Variants in KANSL1L observed in about 807,000 individuals in gnomAD.
KANSL1L encodes the protein KAT8 regulatory NSL complex subunit 1-like protein.
KANSL1L carries 25 observed loss-of-function variants against 108.6 expected under a neutral mutation model. The ratio of observed to expected loss-of-function variants is 0.23; its 90% confidence interval spans 0.17 to 0.32. KANSL1L has a LOEUF of 0.32. KANSL1L is among the 10% of genes least tolerant of loss of function. The pLI, the probability that KANSL1L is intolerant of heterozygous loss-of-function variation, is 1.00. For synonymous variants in KANSL1L, 405 were observed against 395.1 expected (o/e 1.03, Z -0.30); for missense variants, 1,137 against 1,125.7 (o/e 1.01, Z -0.14).
chr2:210,127,018 G>A (rs2095072007), intron 3 of KANSL1L, among the ~76,000 whole-genome samples: 1 of 151,424 alleles, frequency 6.6e-6, no homozygotes, highest in Non-Finnish European at 1.5e-5. Flanking sequence ...TGAATATAGT[G>A]AAACTCTGTC....
chr2:210,034,949 C>T (rs954007848), intron 8 of KANSL1L, among the ~76,000 whole-genome samples: 1 of 152,156 alleles, frequency 6.6e-6, no homozygotes, highest in Non-Finnish European at 1.5e-5. Context: ...TTTGCTTTAC[C>T]TCCTTCTTTC....
At chr2:210,085,346 AC>A (rs1407474249) in intron 5 of KANSL1L, among the ~76,000 whole-genome samples, 4 of 152,194 alleles carry the variant, frequency 2.6e-5, no homozygotes, top group Non-Finnish European at 1.5e-5. Context: ...GAAGTTTTCC[AC>A]AATAAGAGTA....
intron 1 of KANSL1L, among the ~76,000 whole-genome samples, chr2:210,166,869 G>A (rs578091124): frequency 8.7e-4 from 132 of 151,954 alleles, no homozygotes; most frequent in African/African-American, 3.0e-3. Context: ...GCTAACCTAG[G>A]CCAATTACAG....
chr2:210,072,678 C>A (rs898526957), intron 6 of KANSL1L, among the ~76,000 whole-genome samples: 1 of 133,170 alleles, frequency 7.5e-6, no homozygotes, highest in South Asian at 2.4e-4. Flanking sequence ...CGCCACTGAT[C>A]TGACAGGAGG....
chr2:210,078,610 AATGG>A (rs1271242566), intron 5 of KANSL1L, among the ~76,000 whole-genome samples: 5 of 152,234 alleles, frequency 3.3e-5, no homozygotes, highest in Non-Finnish European at 5.9e-5. Flanking sequence ...TTCCATAAAT[AATGG>A]ATGAAGGTTA....
chr2:210,146,706 A>G (rs1372730049), intron 2 of KANSL1L, among the ~76,000 whole-genome samples: 1 of 152,200 alleles, frequency 6.6e-6, no homozygotes, highest in East Asian at 1.9e-4. Flanking sequence ...GGCAATCAAA[A>G]CAGTTATTTA....
At chr2:210,162,221 G>GTTATATATATATATATATATATAT (rs1559617787) in intron 1 of KANSL1L, among the ~76,000 whole-genome samples, 1 of 9,932 alleles carries the variant, frequency 1.0e-4, no homozygotes, top group Non-Finnish European at 2.5e-4. Context: ...TAGTGGTTCA[G>GTTATATATATATATATATATATAT]GTATATATAT....
In KANSL1L at chr2:210,077,321, A is replaced by C. The variant is rs142271850; in HGVS notation, c.1551-1565T>G. Among the ~76,000 whole-genome samples the C allele has an allele frequency of 1.1e-3, 170 of 152,282 alleles. 2 individuals are homozygous for C. Among genetic ancestry groups the C allele is most frequent in the Non-Finnish European group, 6.5e-4 (44 of 68,012 alleles). Reference sequence around the variant, plus strand: ...GAATGCTTTAAGTCTCGGTAAATAAAAGGTTCTAAAAATCTTTCATCATGT... The same window carrying C: ...GAATGCTTTAAGTCTCGGTAAATAACAGGTTCTAAAAATCTTTCATCATGT... On this transcript the variant is annotated intron_variant, in intron 5 of 14. Coordinates refer to ENST00000281772, the MANE Select transcript of KANSL1L (RefSeq NM_152519.4).
chr2:210,049,695 C>T (rs1040155619), intron 6 of KANSL1L, among the ~76,000 whole-genome samples: 19 of 152,264 alleles, frequency 1.2e-4, no homozygotes, highest in African/African-American at 4.6e-4. Context: ...TATAGTGTTT[C>T]TCAAGGAATG....
intron 8 of KANSL1L, among the ~76,000 whole-genome samples, chr2:210,031,902 A>G (rs1289903567): frequency 6.6e-6 from 1 of 152,210 alleles, no homozygotes; most frequent in African/African-American, 2.4e-5. Flanking sequence ...ACCAAGTAAG[A>G]TTCAACATGG....
intron 2 of KANSL1L, chr2:210,151,402 A>G (rs1475575449): frequency 6.6e-6 from 1 of 152,218 alleles, no homozygotes; most frequent in African/African-American, 2.4e-5. Flanking sequence ...AAATTTACTG[A>G]ATGTGCCCAC....
chr2:210,157,599 G>A (rs531663983), intron 1 of KANSL1L, among the ~76,000 whole-genome samples: 3 of 144,176 alleles, frequency 2.1e-5, no homozygotes, highest in African/African-American at 5.1e-5. Flanking sequence ...GCTAAGGCAG[G>A]AAGATCACTT....
At chr2:210,077,497 T>TTCAC (rs2094550900) in intron 5 of KANSL1L, among the ~76,000 whole-genome samples, 1 of 152,176 alleles carries the variant, frequency 6.6e-6, no homozygotes, top group South Asian at 2.1e-4. Flanking sequence ...GCTAAGTGGC[T>TTCAC]AGCATAGAAG....
intron 6 of KANSL1L, among the ~76,000 whole-genome samples, chr2:210,048,130 G>C (rs888262671): frequency 1.3e-5 from 2 of 152,090 alleles, no homozygotes; most frequent in Non-Finnish European, 2.9e-5. Context: ...GAAAACATTG[G>C]TCAAAAATGC....
At chr2:210,098,624 G>A (rs1205156775) in intron 4 of KANSL1L, among the ~76,000 whole-genome samples, 1 of 151,994 alleles carries the variant, frequency 6.6e-6, no homozygotes, top group African/African-American at 2.4e-5. Context: ...AACCAGCAAA[G>A]AAGATAATAT....
At chr2:210,127,104 G>T (rs1575582273) in intron 3 of KANSL1L, among the ~76,000 whole-genome samples, 5 of 152,224 alleles carry the variant, frequency 3.3e-5, no homozygotes, top group Admixed American at 3.3e-4. Flanking sequence ...CATAAAGACA[G>T]ACCTATATTC....
chr2:210,136,750 T>C (rs571346726), intron 2 of KANSL1L, among the ~76,000 whole-genome samples: 4 of 152,120 alleles, frequency 2.6e-5, no homozygotes, highest in Non-Finnish European at 5.9e-5. Context: ...GAGTTAGTAA[T>C]GGGCCTGCGA....
Position 210,129,034 on chromosome 2 carries a change from G to A in KANSL1L, c.1227C>T (p.Ser409=), listed in dbSNP as rs1277002431. Reference sequence around the variant, plus strand: ...GAAGAACACAGACAGACAATACCTTGGAGGCACGAATTTGCCTGTGAATGT... The same window carrying A: ...GAAGAACACAGACAGACAATACCTTAGAGGCACGAATTTGCCTGTGAATGT... ...LTDIHRQIRA[S]KGIVVLEECQ... The change falls in exon 3 of 15, where the codon TCC becomes TCT. Residue 409 remains serine, a synonymous_variant. Coordinates refer to ENST00000281772, the MANE Select transcript of KANSL1L (RefSeq NM_152519.4). 1.9e-6 allele frequency: 3 copies of A among 1,612,986 alleles called. No homozygotes were observed. The highest frequency in any genetic ancestry group is 1.3e-5 in the African/African-American group (1 of 75,000).
chr2:210,128,918 A>G, intron 3 of KANSL1L, 113 bp downstream of exon 3: 1 of 836,040 alleles, frequency 1.2e-6, no homozygotes, highest in East Asian at 2.9e-5. Context: ...ATTTTAACAT[A>G]AACTGGCTAC....
Sources: allele counts gnomAD v4.1 joint callset (sites outside exome capture counted in the v4.1 genomes callset), GRCh38; gene constraint gnomAD v4.1.1; transcripts MANE v1.5; gene names NCBI Gene and HGNC (gene_info 2026-07-23, HGNC 2026-07-21).